FGD2: variants seen among roughly 807,000 people sequenced by gnomAD.
FGD2 encodes FYVE, RhoGEF and PH domain-containing protein 2.
Under a neutral mutation model 75.9 loss-of-function variants are expected in FGD2, and 52 were observed. That is an observed-to-expected ratio of 0.69 (90% CI 0.55 to 0.86). The LOEUF (loss-of-function observed/expected upper bound fraction) is 0.86. FGD2 is among the 40% of genes least tolerant of loss of function. FGD2 has a pLI of 0.00. For missense variants in FGD2, 790 were observed against 872.0 expected, an observed-to-expected ratio of 0.91 and a Z score of 1.18; for synonymous variants, 347 against 348.6, an observed-to-expected ratio of 1.00 and a Z score of 0.05.
chr6:37,008,751 C>A lies in FGD2; in HGVS notation c.69-83C>A, dbSNP rs542778118. On this transcript the variant is annotated intron_variant, in intron 1 of 15. Transcript: ENST00000274963. Reference sequence around the variant, plus strand: ...CCCTGCACTGGGGATTTGCACCAGGCAACCCAAATCCACACCAGGGACTTG... The same window carrying A: ...CCCTGCACTGGGGATTTGCACCAGGAAACCCAAATCCACACCAGGGACTTG... The A allele has an allele frequency of 7.3e-4, 1,014 of 1,381,132 alleles. 7 individuals carry two copies. In the African/African-American group the frequency reaches 0.013, roughly 18 times the overall value. 85.6% of individuals were successfully genotyped at this position (1,381,132 alleles called of 1,614,324 possible).
At chr6:37,020,458 T>C (rs1050917449) in intron 9 of FGD2, 83 bp from the exon 10 acceptor site, 2 of 1,325,730 alleles carry the variant, frequency 1.5e-6, no homozygotes, top group Non-Finnish European at 2.1e-6. Flanking sequence ...TTGGGCACAA[T>C]CCACCTCCCT....
chr6:37,014,123 C>T (rs1561931028), intron 6 of FGD2, 23 bp downstream of exon 6: 1 of 1,610,348 alleles, frequency 6.2e-7, no homozygotes, highest in African/African-American at 1.3e-5. Flanking sequence ...CCAGGGGTCC[C>T]AGGGGGCTGA....
intron 2 of FGD2, chr6:37,009,314 A>C: frequency 2.2e-6 from 1 of 458,080 alleles, no homozygotes; most frequent in Non-Finnish European, 3.9e-6. Flanking sequence ...GGAAGTTGAA[A>C]CACAGTTTTA....
At chr6:37,016,356 G>A (rs1391057023) in intron 9 of FGD2, among the ~76,000 whole-genome samples, 3 of 152,220 alleles carry the variant, frequency 2.0e-5, no homozygotes, top group Middle Eastern at 3.4e-3. Flanking sequence ...CACAGAACAC[G>A]TTTTGAGTAG....
intron 11 of FGD2, among the ~76,000 whole-genome samples, chr6:37,021,265 G>A (rs1765578763): frequency 6.6e-6 from 1 of 152,116 alleles, no homozygotes; most frequent in Admixed American, 6.6e-5. Context: ...CTATCTTGCT[G>A]CTTCTCATTG....
rs376313840 is a variant in FGD2 at position 37,013,694 on chromosome 6, C to T, written c.613C>T (p.Arg205Ter). The part of the protein sequence containing the change: ...MYSEYVKNFE[R>*]AAELLATWTD... ...CAGTGAGTATGTCAAGAACTTTGAG[C>T]GAGCGGCTGAGCTGCTGGCCACCTG... is the stretch of plus-strand genomic sequence containing the variant. Residue 205 changes from arginine (R) to a stop codon, truncating the protein, a stop_gained, in exon 5 of 16, where the codon CGA becomes TGA. Transcript: ENST00000274963. LOFTEE classifies it high-confidence loss of function. The T allele has an allele frequency of 1.9e-6, 3 of 1,614,082 alleles. No individual in the cohort carries two copies. Among genetic ancestry groups the T allele is most frequent in the South Asian group, 1.1e-5 (1 of 91,086 alleles).
intron 4 of FGD2, 160 bp from the exon 5 acceptor site, chr6:37,013,449 A>T: frequency 7.0e-7 from 1 of 1,431,424 alleles, no homozygotes; most frequent in South Asian, 1.5e-5. Context: ...TAAGGAGTAG[A>T]GGGGCGCATG....
intron 6 of FGD2, 164 bp from the exon 7 acceptor site, chr6:37,014,482 G>A (rs1391447700): frequency 4.0e-6 from 3 of 758,522 alleles, no homozygotes; most frequent in Non-Finnish European, 6.3e-6. Context: ...GCCCTGGGGG[G>A]CTCCCGCCAT....
intron 4 of FGD2, chr6:37,013,315 T>C: frequency 2.2e-6 from 1 of 446,122 alleles, no homozygotes; most frequent in Middle Eastern, 7.1e-4. Flanking sequence ...GCCCTCGTTA[T>C]TGTTACATAA....
rs769551030 is a variant in FGD2 at position 37,025,820 on chromosome 6, G to A, written c.1487G>A (p.Arg496Gln). 43 of 1,614,130 alleles carry A rather than the reference G, an allele frequency of 2.7e-5. No individual in the cohort carries two copies. Among genetic ancestry groups the A allele is most frequent in the Non-Finnish European group, 3.6e-5 (42 of 1,180,016 alleles). Reference protein sequence around the residue: ...YVVCARCSDYRAELKYDDNRP... With the variant: ...YVVCARCSDYQAELKYDDNRP... ...GTGTGTGCCAGGTGCTCCGACTACC[G>A]GGCCGAACTGAAATACGACGACAAC... The change falls in exon 14 of 16, where the codon CGG becomes CAG. Residue 496 changes from arginine to glutamine, a missense_variant. By Grantham distance (43) the Arg-to-Gln change is conservative. Coordinates refer to ENST00000274963, the MANE Select transcript of FGD2 (RefSeq NM_173558.4).
chr6:37,016,535 T>A (rs1765305071), intron 9 of FGD2, among the ~76,000 whole-genome samples: 2 of 24,300 alleles, frequency 8.2e-5, no homozygotes, highest in African/African-American at 2.5e-4. Context: ...ATCTTCTGGA[T>A]TTTTTTTTTT....
At chr6:37,008,522 G>T (rs902284793) in intron 1 of FGD2, among the ~76,000 whole-genome samples, 30 of 152,122 alleles carry the variant, frequency 2.0e-4, no homozygotes, top group African/African-American at 7.2e-4. Flanking sequence ...AATCCAGGGG[G>T]TACCACTCAA....
chr6:37,007,999 T>A (rs1764830322), intron 1 of FGD2, among the ~76,000 whole-genome samples: 1 of 152,232 alleles, frequency 6.6e-6, no homozygotes, highest in African/African-American at 2.4e-5. Flanking sequence ...AGCAGTCGCC[T>A]GATTTGAATC....
rs1434080155 is a variant in FGD2 at position 37,028,193 on chromosome 6, C to A, written c.*30C>A. The A allele has an allele frequency of 3.3e-6, 5 of 1,500,316 alleles. No homozygotes were observed. In the East Asian group the frequency reaches 9.5e-5, roughly 29 times the overall value. The allele number at this position is 1,500,316 out of a possible 1,614,324, so 92.9% of individuals were successfully genotyped here. On this transcript the variant is annotated 3_prime_UTR_variant, in exon 16 of 16. Transcript: ENST00000274963. ...CTGCCAGCCGCTCTCCTGCCCACCTCTCCCCACCCTGAACCCAGCTCCTGC... is the reference window on the plus strand; with the variant it reads ...CTGCCAGCCGCTCTCCTGCCCACCTATCCCCACCCTGAACCCAGCTCCTGC...
chr6:37,020,306 T>G (rs1440401088), intron 9 of FGD2, among the ~76,000 whole-genome samples: 2 of 110,088 alleles, frequency 1.8e-5, no homozygotes, highest in Non-Finnish European at 3.5e-5. Context: ...TGGGTCAACT[T>G]AGCTGCTGCT....
chr6:37,015,567 G>A (rs542164559), intron 8 of FGD2, among the ~76,000 whole-genome samples: 320 of 152,282 alleles, frequency 2.1e-3, no homozygotes, highest in Admixed American at 3.4e-3. Flanking sequence ...AACCATCCTA[G>A]GGGAATTGGG....
At chr6:37,007,800 G>A (rs1764821891) in intron 1 of FGD2, among the ~76,000 whole-genome samples, 1 of 152,206 alleles carries the variant, frequency 6.6e-6, no homozygotes, top group South Asian at 2.1e-4. Context: ...AGACCCATGG[G>A]CTGAGAAACC....
At chr6:37,020,900 G>A (rs1765548527) in intron 11 of FGD2, among the ~76,000 whole-genome samples, 161 bp downstream of exon 11, 1 of 151,372 alleles carries the variant, frequency 6.6e-6, no homozygotes. Context: ...GTGTGTGTGT[G>A]TGTGTGTGTG....
chr6:37,022,001 C>T (rs1233171377), intron 12 of FGD2: 38 of 546,504 alleles, frequency 7.0e-5, no homozygotes, highest in Non-Finnish European at 1.2e-4. Context: ...TGCTGAGTGA[C>T]TGCTGAGTCA....
Sources: allele counts gnomAD v4.1 joint callset (sites outside exome capture counted in the v4.1 genomes callset), GRCh38; gene constraint gnomAD v4.1.1; transcripts MANE v1.5; gene names NCBI Gene and HGNC (gene_info 2026-07-23, HGNC 2026-07-21).